Variants in ZBTB20 observed in about 807,000 individuals in gnomAD.
ZBTB20 encodes the protein zinc finger and BTB domain containing 20, also known as zinc finger and BTB domain-containing protein 20.
Under a neutral mutation model 56.9 loss-of-function variants are expected in ZBTB20, and 9 were observed. The ratio of observed to expected loss-of-function variants is 0.16; its 90% CI spans 0.10 to 0.28. The LOEUF is 0.28. Among genes scored for constraint, ZBTB20 ranks in the 10% least tolerant of loss-of-function variants. The pLI, the probability that ZBTB20 is intolerant of heterozygous loss-of-function variation, is 1.00. For missense variants in ZBTB20, 655 were observed against 1,003.0 expected, an observed-to-expected ratio of 0.65 and a Z score of 4.69; for synonymous variants, 417 against 420.7, an observed-to-expected ratio of 0.99 and a Z score of 0.11.
At chr3:114,424,834 T>G (rs2089507358) in intron 7 of ZBTB20, among the ~76,000 whole-genome samples, 2 of 152,160 alleles carry the variant, frequency 1.3e-5, no homozygotes, top group Admixed American at 1.3e-4. Context: ...CCAAGTCCTT[T>G]TACTGTCATT....
At chr3:114,373,367 A>G (rs564416647) in intron 10 of ZBTB20, among the ~76,000 whole-genome samples, 106 of 152,362 alleles carry the variant, frequency 7.0e-4, no homozygotes, top group Middle Eastern at 3.4e-3. Flanking sequence ...TTATAACAAT[A>G]GACAATGTTA....
At chr3:115,121,230 T>G (rs2084173432) in intron 1 of ZBTB20, among the ~76,000 whole-genome samples, 1 of 152,064 alleles carries the variant, frequency 6.6e-6, no homozygotes, top group African/African-American at 2.4e-5. Context: ...ATTTTCTGGG[T>G]GCATTTAAAA....
chr3:114,880,020 G>A (rs1224362649), intron 4 of ZBTB20, among the ~76,000 whole-genome samples: 23 of 152,164 alleles, frequency 1.5e-4, no homozygotes, highest in Admixed American at 1.5e-3. Flanking sequence ...CTAAAGCTAA[G>A]TAACATACTC....
At chr3:114,844,541 A>C (rs1294936892) in intron 4 of ZBTB20, among the ~76,000 whole-genome samples, 3 of 140,488 alleles carry the variant, frequency 2.1e-5, no homozygotes, top group South Asian at 2.2e-4. Flanking sequence ...AAAAAAAAAA[A>C]AAAAAAAAAA....
intron 7 of ZBTB20, among the ~76,000 whole-genome samples, chr3:114,453,837 G>C (rs1220442079): frequency 1.3e-5 from 2 of 151,454 alleles, no homozygotes; most frequent in African/African-American, 4.9e-5. Flanking sequence ...TGTCTTTATA[G>C]AGTGAATGTT....
intron 2 of ZBTB20, among the ~76,000 whole-genome samples, chr3:114,987,364 A>C (rs1054908115): frequency 1.3e-5 from 2 of 152,142 alleles, no homozygotes; most frequent in African/African-American, 4.8e-5. Context: ...CTTACTACTA[A>C]GTTACACAAT....
intron 3 of ZBTB20, among the ~76,000 whole-genome samples, chr3:114,925,246 G>T (rs934320408): frequency 1.3e-5 from 2 of 151,896 alleles, no homozygotes; most frequent in African/African-American, 2.4e-5. Flanking sequence ...CTCCCAAAGT[G>T]CTGAGATTAC....
intron 5 of ZBTB20, among the ~76,000 whole-genome samples, chr3:114,747,929 A>ACAAAAAC (rs1427111508): frequency 4.8e-4 from 1 of 2,090 alleles, no homozygotes; most frequent in African/African-American, 4.9e-4. Context: ...AAAAAAAAAA[A>ACAAAAAC]AAAAAAAAAA....
chr3:114,744,532 T>C (rs2066879988), intron 5 of ZBTB20, among the ~76,000 whole-genome samples: 1 of 152,168 alleles, frequency 6.6e-6, no homozygotes, highest in Admixed American at 6.6e-5. Context: ...TGCTTGATAC[T>C]TTTACATGCA....
In ZBTB20 at chr3:114,503,514, C is replaced by G. The variant is rs1421429846; in HGVS notation, c.-294-3123G>C. ...CAAATTGTTATTTCATTGATACATGCTCTTTCCACCTAAGTGATATTCACC... is the reference window on the plus strand; with the variant it reads ...CAAATTGTTATTTCATTGATACATGGTCTTTCCACCTAAGTGATATTCACC... On this transcript the variant is annotated intron_variant, in intron 6 of 11. Coordinates refer to ENST00000675478, the MANE Select transcript of ZBTB20 (RefSeq NM_001348800.3). Among the ~76,000 whole-genome samples the G allele has an allele frequency of 4.6e-5, 7 of 152,306 alleles. No homozygotes were observed. In the East Asian group the frequency reaches 7.7e-4, roughly 17 times the overall value.
intron 6 of ZBTB20, among the ~76,000 whole-genome samples, chr3:114,526,363 AT>A (rs1287810219): frequency 1.3e-5 from 2 of 152,236 alleles, no homozygotes; most frequent in East Asian, 3.8e-4. Context: ...TATTTAAGAT[AT>A]TGAATAAGTA....
intron 6 of ZBTB20, among the ~76,000 whole-genome samples, chr3:114,501,316 A>T (rs2043927301): frequency 6.6e-6 from 1 of 152,172 alleles, no homozygotes; most frequent in Non-Finnish European, 1.5e-5. Flanking sequence ...TTAAAATCTG[A>T]TATTTCACTC....
intron 5 of ZBTB20, among the ~76,000 whole-genome samples, chr3:114,740,682 T>C (rs1391509979): frequency 6.6e-6 from 1 of 152,236 alleles, no homozygotes; most frequent in Admixed American, 6.5e-5. Context: ...ATTCTGTGTT[T>C]ATATATTTTT....
intron 7 of ZBTB20, among the ~76,000 whole-genome samples, chr3:114,400,480 G>C (rs996322377): frequency 6.6e-6 from 1 of 152,108 alleles, no homozygotes; most frequent in Non-Finnish European, 1.5e-5. Context: ...TTCCATTCAG[G>C]TTTTAGGAGA....
chr3:114,591,025 T>C (rs1244011434), intron 6 of ZBTB20, among the ~76,000 whole-genome samples: 2 of 152,214 alleles, frequency 1.3e-5, no homozygotes, highest in Non-Finnish European at 2.9e-5. Flanking sequence ...GAAAGCCTTG[T>C]TTCCCACTTC....
chr3:114,362,809 G>A (rs1246776411), intron 10 of ZBTB20, among the ~76,000 whole-genome samples: 1 of 152,202 alleles, frequency 6.6e-6, no homozygotes, highest in Non-Finnish European at 1.5e-5. Context: ...AATCTATGAT[G>A]TGATAGAAAA....
intron 5 of ZBTB20, among the ~76,000 whole-genome samples, chr3:114,725,770 G>T (rs745769812): frequency 3.3e-5 from 5 of 152,160 alleles, no homozygotes; most frequent in Non-Finnish European, 5.9e-5. Flanking sequence ...GTCTCTAATT[G>T]CAGTTGAACA....
intron 10 of ZBTB20, among the ~76,000 whole-genome samples, chr3:114,375,533 A>G (rs747686269): frequency 4.6e-5 from 7 of 152,234 alleles, no homozygotes; most frequent in Non-Finnish European, 7.3e-5. Context: ...CCTTAAGCCT[A>G]TAAGTTTTTA....
At chr3:115,132,313 GA>G (rs1357332328) in intron 1 of ZBTB20, among the ~76,000 whole-genome samples, 2 of 151,876 alleles carry the variant, frequency 1.3e-5, no homozygotes, top group Admixed American at 6.6e-5. Flanking sequence ...TTCCCATTGG[GA>G]AAAAAAGTCT....
Sources: allele counts gnomAD v4.1 joint callset (sites outside exome capture counted in the v4.1 genomes callset), GRCh38; gene constraint gnomAD v4.1.1; transcripts MANE v1.5; gene names NCBI Gene and HGNC (gene_info 2026-07-23, HGNC 2026-07-21).